Variants in PTPN3 observed in about 807,000 individuals in gnomAD.
PTPN3 encodes tyrosine-protein phosphatase non-receptor type 3.
In PTPN3, 96 loss-of-function variants were observed where a neutral mutation model predicts 132.7. That is an observed-to-expected ratio of 0.72 (90% confidence interval 0.61 to 0.86). The LOEUF (loss-of-function observed/expected upper bound fraction) is 0.86, where lower values mean the gene tolerates loss of function less well. PTPN3 is among the 40% of genes least tolerant of loss of function. The pLI is 0.00. For missense variants in PTPN3, 1,125 were observed against 1,159.6 expected (o/e 0.97, Z 0.43); for synonymous variants, 398 against 429.0 (o/e 0.93, Z 0.89).
At chr9:109,483,692 G>C (rs149651636) in intron 1 of PTPN3, among the ~76,000 whole-genome samples, 2 of 152,084 alleles carry the variant, frequency 1.3e-5, no homozygotes, top group African/African-American at 4.8e-5. Context: ...GGGCTCTTAC[G>C]ATCAGTCTCC....
chr9:109,437,787 C>T (rs888013606), intron 8 of PTPN3, among the ~76,000 whole-genome samples: 8 of 152,104 alleles, frequency 5.3e-5, no homozygotes, highest in Non-Finnish European at 1.0e-4. Context: ...TGGTAAACTG[C>T]TAAGAGGTTT....
chr9:109,412,057 A>C (rs1842113066), intron 14 of PTPN3, among the ~76,000 whole-genome samples: 1 of 152,212 alleles, frequency 6.6e-6, no homozygotes, highest in African/African-American at 2.4e-5. Context: ...GCTGGGTTTC[A>C]CTGTTTACAA....
chr9:109,415,470 A>G (rs1164925949), intron 14 of PTPN3, among the ~76,000 whole-genome samples: 2 of 152,256 alleles, frequency 1.3e-5, no homozygotes, highest in African/African-American at 4.8e-5. Context: ...AGGTAAAGGC[A>G]GGAAATGCTG....
At chr9:109,381,157 C>T (rs540299173) in intron 25 of PTPN3, among the ~76,000 whole-genome samples, 2 of 152,322 alleles carry the variant, frequency 1.3e-5, no homozygotes, top group South Asian at 4.1e-4. Flanking sequence ...CGCTTCACTG[C>T]CCCGCTTGCA....
intron 23 of PTPN3, among the ~76,000 whole-genome samples, chr9:109,382,771 A>G (rs1371355574): frequency 2.0e-5 from 3 of 146,672 alleles, no homozygotes; most frequent in Non-Finnish European, 4.5e-5. Flanking sequence ...TTTTTTTTCA[A>G]CTGTGGCAAA....
chr9:109,456,028 C>T lies in PTPN3; in HGVS notation c.289+1145G>A, dbSNP rs1223838271. ...TGAGGCTCCCACAGGTACTTCTGAA[C>T]GCAGAGGATGCAGCTCATGGGAGGG... On this transcript the variant is annotated intron_variant, in intron 4 of 25. Transcript: ENST00000374541. 5.3e-5 allele frequency among the ~76,000 whole-genome samples: 8 copies of T among 152,046 alleles called. No individual in the cohort carries two copies. In the South Asian group the frequency reaches 6.2e-4, roughly 12 times the overall value.
chr9:109,481,319 G>A (rs900000240), intron 1 of PTPN3, among the ~76,000 whole-genome samples: 1 of 152,146 alleles, frequency 6.6e-6, no homozygotes, highest in African/African-American at 2.4e-5. Flanking sequence ...AAATACATGA[G>A]GTTAGTTTGA....
At chr9:109,511,074 T>C in the PTPN3 span, among the ~76,000 whole-genome samples, 1 of 152,176 alleles carries the variant, frequency 6.6e-6, no homozygotes, top group Non-Finnish European at 1.5e-5. Flanking sequence ...GGGCATATTT[T>C]TATATCAAGG....
chr9:109,448,904 A>AG, intron 5 of PTPN3, 49 bp from the exon 6 acceptor site: 1 of 698,152 alleles, frequency 1.4e-6, no homozygotes, highest in Non-Finnish European at 2.0e-6. Context: ...GAAATAAGCA[A>AG]AAAAAAAAAA....
At chr9:109,503,471 G>A in the PTPN3 span, among the ~76,000 whole-genome samples, 1 of 152,124 alleles carries the variant, frequency 6.6e-6, no homozygotes, top group Non-Finnish European at 1.5e-5. Context: ...TTGGGAGTCC[G>A]AAGCAGGCAG....
rs755608737 is a variant in PTPN3 at position 109,475,945 on chromosome 9, CAG to C, written c.-17-12496_-17-12495del. ...TCGCCATAATTTTATCTCAAGGAAA[CAG>C]AGAAAAATACTCTCCACTTACCCCC... On this transcript the variant is annotated intron_variant, in intron 1 of 25. Transcript: ENST00000374541. 4.6e-5 allele frequency among the ~76,000 whole-genome samples: 7 copies of C among 152,258 alleles called. No individual in the cohort carries two copies. The East Asian group carries it at 9.6e-4, about 21-fold the overall frequency.
chr9:109,482,291 AC>A (rs1274428259), intron 1 of PTPN3, among the ~76,000 whole-genome samples: 1 of 152,218 alleles, frequency 6.6e-6, no homozygotes, highest in Non-Finnish European at 1.5e-5. Context: ...AAAATTACAA[AC>A]AAAAAAGCTA....
chr9:109,457,984 G>A (rs192279123), intron 2 of PTPN3, among the ~76,000 whole-genome samples: 107 of 152,338 alleles, frequency 7.0e-4, no homozygotes, highest in African/African-American at 2.5e-3. Context: ...GTGAGAAGCT[G>A]AGGGGCACGT....
Position 109,382,304 on chromosome 9 carries a change from G to A in PTPN3, c.2526C>T (p.Cys842=). The A allele has an allele frequency of 6.2e-7, 1 of 1,613,830 alleles. No homozygotes were observed. The highest frequency in any genetic ancestry group is 8.5e-7 in the Non-Finnish European group (1 of 1,179,818). ...TAACAAAACAGCAAGCGCCATACCT[G>A]CAGTGAACTAGGACGGGCTCGCTGT... The part of the protein sequence containing the change: ...RVDSEPVLVH[C]SAGIGRTGVL... The change falls in exon 24 of 26, where the codon TGC becomes TGT. Residue 842 remains cysteine, a splice_region_variant and synonymous_variant. Transcript: ENST00000374541.
At chr9:109,505,766 T>C in the PTPN3 span, among the ~76,000 whole-genome samples, 1 of 152,092 alleles carries the variant, frequency 6.6e-6, no homozygotes, top group Non-Finnish European at 1.5e-5. Context: ...TTTTTTTTTT[T>C]TGAGACAGAA....
chr9:109,401,070 T>A (rs536374101), intron 19 of PTPN3, among the ~76,000 whole-genome samples: 1 of 152,216 alleles, frequency 6.6e-6, no homozygotes, highest in Non-Finnish European at 1.5e-5. Flanking sequence ...CTGCAAATGA[T>A]TTTATTAAAA....
intron 1 of PTPN3, among the ~76,000 whole-genome samples, chr9:109,485,707 C>T (rs574776424): frequency 6.6e-6 from 1 of 152,230 alleles, no homozygotes; most frequent in South Asian, 2.1e-4. Context: ...AGACTCTTCT[C>T]CTTCCCCTTC....
chr9:109,531,120 T>C, the PTPN3 span, among the ~76,000 whole-genome samples: 1 of 152,362 alleles, frequency 6.6e-6, no homozygotes, highest in East Asian at 1.9e-4. Context: ...GCCTTTTATG[T>C]CTTATCCAAG....
upstream of PTPN3, among the ~76,000 whole-genome samples, chr9:109,499,627 A>T (rs948905721): frequency 1.3e-5 from 2 of 152,150 alleles, no homozygotes; most frequent in Non-Finnish European, 2.9e-5. Flanking sequence ...GAACGAAGGG[A>T]TGCAGAGATG....
Sources: gnomAD v4.1 joint callset for allele counts (sites outside exome capture counted in the v4.1 genomes callset) on GRCh38, gnomAD v4.1.1 for gene constraint, MANE v1.5 for transcripts, NCBI Gene and HGNC (gene_info 2026-07-23, HGNC 2026-07-21) for gene names.